The following LRGUK variants were observed in gnomAD, a reference collection of about 807,000 sequenced individuals.
The protein encoded by LRGUK is leucine rich repeats and guanylate kinase domain containing, also known as leucine-rich repeat and guanylate kinase domain-containing protein.
A neutral mutation model predicts 76.0 loss-of-function variants in LRGUK; 65 were observed. The ratio of observed to expected loss-of-function variants is 0.85; its 90% CI spans 0.70 to 1.05. The LOEUF is 1.05. Ranked by LOEUF, LRGUK falls within the 50% of genes least tolerant of loss-of-function variation. LRGUK has a pLI of 0.00. For missense variants in LRGUK, 758 were observed against 732.8 expected, an observed-to-expected ratio of 1.03 and a Z score of -0.40; for synonymous variants, 268 against 265.6, an observed-to-expected ratio of 1.01 and a Z score of -0.09.
At chr7:134,131,562 GA>G (rs778725377) in intron 1 of LRGUK, among the ~76,000 whole-genome samples, 6 of 152,160 alleles carry the variant, frequency 3.9e-5, no homozygotes, top group Non-Finnish European at 7.4e-5. Context: ...GAGAACAGAA[GA>G]AGCCTCCTAG....
At chr7:134,225,324 A>G (rs1270610011) in intron 16 of LRGUK, among the ~76,000 whole-genome samples, 1 of 152,060 alleles carries the variant, frequency 6.6e-6, no homozygotes, top group African/African-American at 2.4e-5. Flanking sequence ...TGTTACTGGA[A>G]ACAGTTTCAT....
rs771987993 is a variant in LRGUK, at chr7:134,262,615, A to G, written c.2348-1230A>G. Among the ~76,000 whole-genome samples the G allele has an allele frequency of 1.2e-4, 19 of 152,250 alleles. 1 individual carries two copies. The highest frequency in any genetic ancestry group is 1.0e-3 in the Admixed American group (16 of 15,304). On this transcript the variant is annotated intron_variant, in intron 19 of 19. Coordinates refer to the LRGUK transcript ENST00000285928. ...CTCTACCGTCTGCTTTCTTTTCAAC[A>G]TGTTTGCTTTGCTCTTTCCTGTTTA...
intron 5 of LRGUK, among the ~76,000 whole-genome samples, chr7:134,155,657 T>TCAA (rs1798421741): frequency 6.6e-6 from 1 of 152,228 alleles, no homozygotes. Context: ...GTAATATAAT[T>TCAA]TGGTAATGGT....
At chr7:134,238,155 T>A (rs752004978) in intron 16 of LRGUK, among the ~76,000 whole-genome samples, 1 of 152,234 alleles carries the variant, frequency 6.6e-6, no homozygotes, top group Non-Finnish European at 1.5e-5. Context: ...TTAATACTCA[T>A]CATTAGACCA....
chr7:134,194,449 T>C (rs1182710470), intron 12 of LRGUK, among the ~76,000 whole-genome samples: 1 of 152,134 alleles, frequency 6.6e-6, no homozygotes, highest in Non-Finnish European at 1.5e-5. Context: ...GATGTGTATA[T>C]GTATAGCAAG....
downstream of LRGUK, among the ~76,000 whole-genome samples, chr7:134,264,906 A>G (rs982199913): frequency 2.0e-5 from 3 of 152,206 alleles, no homozygotes; most frequent in African/African-American, 7.2e-5. Context: ...GAATCCTCTA[A>G]TGACTTTCCT....
intron 16 of LRGUK, among the ~76,000 whole-genome samples, chr7:134,228,915 G>A (rs1801824779): frequency 6.6e-6 from 1 of 152,026 alleles, no homozygotes; most frequent in Admixed American, 6.6e-5. Flanking sequence ...AATTCAACAT[G>A]GTGTCAGAGG....
intron 6 of LRGUK, among the ~76,000 whole-genome samples, chr7:134,163,092 T>A (rs1798819251): frequency 6.6e-6 from 1 of 152,240 alleles, no homozygotes; most frequent in Non-Finnish European, 1.5e-5. Flanking sequence ...ACACTTCAGG[T>A]GTGCAATGTT....
In LRGUK at chr7:134,247,495, T is replaced by C. The variant is rs966839690; in HGVS notation, c.1984-61T>C. On this transcript the variant is annotated intron_variant, in intron 16 of 19. Transcript: ENST00000285928. The stretch of plus-strand genomic sequence containing the variant: ...TAGTACCAAAGAGAATTATTATAGA[T>C]GTTTTAATCATCTGACATTTTTAAC... 5.0e-6 allele frequency: 6 copies of C among 1,197,698 alleles called. No homozygotes were observed. In the African/African-American group the frequency reaches 9.2e-5, roughly 18 times the overall value. 74.2% of individuals were successfully genotyped at this position (1,197,698 alleles called of 1,614,324 possible).
At chr7:134,147,434 CAAA>C (rs11431531) in intron 4 of LRGUK, among the ~76,000 whole-genome samples, 1 of 101,906 alleles carries the variant, frequency 9.8e-6, no homozygotes, top group Admixed American at 1.0e-4. Context: ...GACTCCACCT[CAAA>C]AAAAAAAAAA....
At chr7:134,210,018 G>A (rs1255614102) in exon 16 of LRGUK, 2 of 399,638 alleles carry the variant, frequency 5.0e-6, no homozygotes, top group African/African-American at 4.1e-5. Flanking sequence ...TCCTCCAGGA[G>A]GAAGATTCCA....
At chr7:134,133,948 G>A (rs1162773139) in intron 1 of LRGUK, among the ~76,000 whole-genome samples, 1 of 152,044 alleles carries the variant, frequency 6.6e-6, no homozygotes, top group Non-Finnish European at 1.5e-5. Flanking sequence ...TGTAGACCCA[G>A]CTATTTTGGA....
At chr7:134,159,737 C>T (rs1002760600) in intron 6 of LRGUK, among the ~76,000 whole-genome samples, 6 of 151,992 alleles carry the variant, frequency 3.9e-5, no homozygotes, top group African/African-American at 9.7e-5. Flanking sequence ...TGCAGTGAGC[C>T]GAGATCGTGC....
chr7:134,263,782 A>T (rs1802801722), intron 19 of LRGUK, 63 bp from the exon 20 acceptor site: 1 of 1,483,362 alleles, frequency 6.7e-7, no homozygotes, highest in Admixed American at 2.1e-5. Flanking sequence ...ATCATGCAAC[A>T]CTTATTCTCT....
At chr7:134,129,409 T>C (rs1196339226) in intron 1 of LRGUK, among the ~76,000 whole-genome samples, 6 of 478 alleles carry the variant, frequency 0.013, no homozygotes, top group Non-Finnish European at 0.019. Flanking sequence ...CTTCCCTCCC[T>C]CCCCTCCCCA....
At chr7:134,154,163 T>A (rs1354581521) in intron 5 of LRGUK, among the ~76,000 whole-genome samples, 2 of 152,250 alleles carry the variant, frequency 1.3e-5, no homozygotes, top group Admixed American at 6.5e-5. Context: ...TGCGGTATGA[T>A]GATTTTGAGT....
chr7:134,148,712 G>A (rs1488098266), intron 5 of LRGUK, among the ~76,000 whole-genome samples: 1 of 152,142 alleles, frequency 6.6e-6, no homozygotes, highest in Non-Finnish European at 1.5e-5. Context: ...GATCACCTGA[G>A]GTCGGAGTTC....
chr7:134,235,622 C>G (rs1374738472), intron 16 of LRGUK, among the ~76,000 whole-genome samples: 1 of 152,138 alleles, frequency 6.6e-6, no homozygotes, highest in African/African-American at 2.4e-5. Flanking sequence ...TTGGTCTTCC[C>G]CTGTTAGACT....
At chr7:134,178,216 T>G (rs1295992269) in intron 9 of LRGUK, among the ~76,000 whole-genome samples, 3 of 152,140 alleles carry the variant, frequency 2.0e-5, no homozygotes, top group Non-Finnish European at 4.4e-5. Flanking sequence ...GGTGGTTTTT[T>G]TGTGTGTGTT....
Sources: gnomAD v4.1 joint callset for allele counts (sites outside exome capture counted in the v4.1 genomes callset) on GRCh38, gnomAD v4.1.1 for gene constraint, MANE v1.5 for transcripts, NCBI Gene and HGNC (gene_info 2026-07-23, HGNC 2026-07-21) for gene names.